CACNG1: variants seen among roughly 807,000 people sequenced by gnomAD.
CACNG1 encodes the protein calcium voltage-gated channel auxiliary subunit gamma 1, also known as voltage-dependent calcium channel gamma-1 subunit.
CACNG1 carries 21 observed loss-of-function variants against 22.0 expected under a neutral mutation model. The ratio of observed to expected loss-of-function variants is 0.95; its 90% CI spans 0.68 to 1.37. The LOEUF (loss-of-function observed/expected upper bound fraction) is 1.37. Ranked by LOEUF, CACNG1 falls within the 40% of genes most tolerant of loss-of-function variation. CACNG1 has a pLI of 0.00. For missense variants in CACNG1, 291 were observed against 308.6 expected (o/e 0.94, Z 0.43); for synonymous variants, 127 against 129.2 (o/e 0.98, Z 0.12).
chr17:67,052,403 G>C (rs1303965905), intron 1 of CACNG1, among the ~76,000 whole-genome samples: 2 of 152,196 alleles, frequency 1.3e-5, no homozygotes, highest in East Asian at 1.9e-4. Flanking sequence ...CATGGTATGA[G>C]ACCACAGGCT....
chr17:67,053,925 G>A (rs2035742485), intron 1 of CACNG1, 71 bp from the exon 2 acceptor site: 23 of 1,109,042 alleles, frequency 2.1e-5, no homozygotes, highest in Non-Finnish European at 2.9e-5. Context: ...ATGACACCAC[G>A]CTCTCTGCCA....
chr17:67,044,883 C>G lies in CACNG1; in HGVS notation c.223C>G (p.Pro75Ala). 1 of 1,611,786 alleles carries G rather than the reference C, an allele frequency of 6.2e-7. No homozygotes were observed. The highest frequency in any genetic ancestry group is 1.7e-5 in the Admixed American group (1 of 59,990). ...CAAGACCTGCGGGCCCATCACCCTG[C>G]CCGGGGGTAACGTACCCACCCTCCG... is the stretch of plus-strand genomic sequence containing the variant. ...DSKTCGPITL[P>A]GEKNCSYFRH... The change falls in exon 1 of 4, where the codon CCC (proline) becomes GCC (alanine). Residue 75 changes from proline (P) to alanine (A), a missense_variant. By Grantham distance (27) the Pro-to-Ala change is conservative. Transcript: ENST00000226021. The surrounding 1 kb of genome is among the most constrained non-coding windows in gnomAD (Gnocchi z 6.9).
rs2035752170 is a variant in CACNG1, at chr17:67,054,998, C to T, written c.305-105C>T. On this transcript the variant is annotated intron_variant, in intron 2 of 3. Transcript: ENST00000226021. The surrounding 1 kb of genome is among the most constrained non-coding windows in gnomAD (Gnocchi z 4.6). The stretch of plus-strand genomic sequence containing the variant: ...CACTTGACACACACACAATGACACA[C>T]ACAGACACTGACACACACACTGTGG... 8.3e-7 allele frequency: 1 copy of T among 1,205,680 alleles called. No homozygotes were observed. Among genetic ancestry groups the T allele is most frequent in the Non-Finnish European group, 1.2e-6 (1 of 863,142 alleles). The allele number at this position is 1,205,680 out of a possible 1,614,324, so 74.7% of individuals were successfully genotyped here. A position where few individuals can be genotyped will look rare whatever the true frequency, so the allele number is the denominator to read the frequency against.
rs1241949755 is a variant in CACNG1, at chr17:67,055,923, C to A, written c.443-122C>A. ...TCTGCAGGTTCCCATCTAGAACCTG[C>A]CTTGAGGCAGCTTTTCCCCCAAGGC... On this transcript the variant is annotated intron_variant, in intron 3 of 3. Coordinates refer to ENST00000226021, the MANE Select transcript of CACNG1 (RefSeq NM_000727.4). This position sits in a 1 kb window ranked among gnomAD's most constrained non-coding sequence, Gnocchi z 4.5. 4.1e-6 allele frequency: 3 copies of A among 723,130 alleles called. No homozygotes were observed. The highest frequency in any genetic ancestry group is 1.8e-5 in the African/African-American group (1 of 56,692). 44.8% of individuals were successfully genotyped at this position (723,130 alleles called of 1,614,324 possible). A position where few individuals can be genotyped will look rare whatever the true frequency, so the allele number is the denominator to read the frequency against.
At position 67,054,173 on chromosome 17, in the gene CACNG1, C is replaced by A; in HGVS notation, c.304+103C>A. On this transcript the variant is annotated intron_variant, in intron 2 of 3. Transcript: ENST00000226021. This position sits in a 1 kb window ranked among gnomAD's most constrained non-coding sequence, Gnocchi z 4.6. ...GGCAAAAGCACTGACTTCCTCACGC[C>A]TGATGAGAAGAAGCCTGTGGTGCAT... The A allele has an allele frequency of 2.2e-6, 2 of 927,860 alleles. No individual in the cohort carries two copies. Among genetic ancestry groups the A allele is most frequent in the South Asian group, 1.4e-5 (1 of 73,984 alleles). The allele number at this position is 927,860 out of a possible 1,614,324, so 57.5% of individuals were successfully genotyped here.
rs1045923566 is a variant in CACNG1 at position 67,056,369 on chromosome 17, A to G, written c.*98A>G. ...AGGAGGCGGGAGCAATTTTAGCCCC[A>G]CCCTGCTCCCATCTGCCCCCCTGCA... On this transcript the variant is annotated 3_prime_UTR_variant, in exon 4 of 4. Coordinates refer to ENST00000226021, the MANE Select transcript of CACNG1 (RefSeq NM_000727.4). The surrounding 1 kb of genome is among the most constrained non-coding windows in gnomAD (Gnocchi z 4.3). The G allele has an allele frequency of 2.9e-6, 3 of 1,034,902 alleles. No individual in the cohort carries two copies. Among genetic ancestry groups the G allele is most frequent in the Non-Finnish European group, 4.3e-6 (3 of 692,892 alleles). The allele number at this position is 1,034,902 out of a possible 1,614,324, so 64.1% of individuals were successfully genotyped here.
intron 1 of CACNG1, among the ~76,000 whole-genome samples, chr17:67,053,647 T>C (rs565316733): frequency 4.6e-5 from 7 of 152,306 alleles, no homozygotes; most frequent in African/African-American, 1.7e-4. Context: ...TGCTGTTTGG[T>C]TCTTTGTTGA....
chr17:67,052,736 G>C (rs79321384), intron 1 of CACNG1, among the ~76,000 whole-genome samples: 1 of 150,816 alleles, frequency 6.6e-6, no homozygotes, highest in African/African-American at 2.4e-5. Context: ...CCTAAATCAA[G>C]AGCAAAGAAG....
Position 67,054,989 on chromosome 17 carries a change from A to T in CACNG1, c.305-114A>T. ...AGAGACACACACTTGACACACACACAATGACACACACAGACACTGACACAC... is the reference window on the plus strand; with the variant it reads ...AGAGACACACACTTGACACACACACTATGACACACACAGACACTGACACAC... On this transcript the variant is annotated intron_variant, in intron 2 of 3. Transcript: ENST00000226021. This position sits in a 1 kb window ranked among gnomAD's most constrained non-coding sequence, Gnocchi z 4.6. The T allele has an allele frequency of 4.1e-6, 1 of 246,740 alleles. No individual in the cohort carries two copies. Among genetic ancestry groups the T allele is most frequent in the South Asian group, 1.7e-4 (1 of 5,874 alleles). The allele number at this position is 246,740 out of a possible 1,614,324, so 15.3% of individuals were successfully genotyped here. A position where few individuals can be genotyped will look rare whatever the true frequency, so the allele number is the denominator to read the frequency against.
chr17:67,047,824 T>C (rs1403906405), intron 1 of CACNG1, among the ~76,000 whole-genome samples: 1 of 152,032 alleles, frequency 6.6e-6, no homozygotes, highest in Non-Finnish European at 1.5e-5. Flanking sequence ...GCATGCACAA[T>C]GCTATATGCA....
At chr17:67,051,674 C>A (rs2035729204) in intron 1 of CACNG1, among the ~76,000 whole-genome samples, 1 of 152,356 alleles carries the variant, frequency 6.6e-6, no homozygotes, top group Admixed American at 6.5e-5. Context: ...AAAAGAAAAG[C>A]ATCCCCCCAG....
At chr17:67,053,471 C>T (rs73340930) in intron 1 of CACNG1, among the ~76,000 whole-genome samples, 4,611 of 152,304 alleles carry the variant, frequency 0.03, 227 homozygotes, top group African/African-American at 0.1. Context: ...GATATTTTGG[C>T]CTGGATCATT....
At chr17:67,048,996 AG>A (rs1276869407) in intron 1 of CACNG1, among the ~76,000 whole-genome samples, 6 of 152,240 alleles carry the variant, frequency 3.9e-5, no homozygotes, top group Non-Finnish European at 8.8e-5. Flanking sequence ...GGAGCAAAAA[AG>A]GTATGTGAAA....
chr17:67,050,427 T>C (rs1364832803), intron 1 of CACNG1, among the ~76,000 whole-genome samples: 1 of 152,240 alleles, frequency 6.6e-6, no homozygotes, highest in Non-Finnish European at 1.5e-5. Context: ...GAAACCACTG[T>C]TGGGAGCTGA....
Position 67,054,002 on chromosome 17 carries a change from A to C in CACNG1, c.236A>C (p.Asn79Thr). The C allele has an allele frequency of 6.2e-7, 1 of 1,613,870 alleles. No homozygotes were observed. Among genetic ancestry groups the C allele is most frequent in the African/African-American group, 1.3e-5 (1 of 75,042 alleles). ...CGPITLPGEK[N>T]CSYFRHFNPG... is the part of the protein sequence containing the mutation. ...TCTGTCTCCTCCTTTGCAGAGAAGA[A>C]CTGTTCCTACTTCAGGCATTTTAAC... is the stretch of plus-strand genomic sequence containing the variant. The change falls in exon 2 of 4, where the codon AAC becomes ACC. Residue 79 changes from asparagine to threonine, a missense_variant. By Grantham distance (65) the Asn-to-Thr change is moderately conservative (BLOSUM62 0). Transcript: ENST00000226021. This position sits in a 1 kb window ranked among gnomAD's most constrained non-coding sequence, Gnocchi z 4.6.
At chr17:67,050,290 C>G (rs61389483) in intron 1 of CACNG1, among the ~76,000 whole-genome samples, 1 of 152,250 alleles carries the variant, frequency 6.6e-6, no homozygotes, top group South Asian at 2.1e-4. Context: ...TGCCAGAGGC[C>G]TAGGCCAAAG....
In CACNG1 at chr17:67,056,624, C is replaced by T. The variant is rs909897824; in HGVS notation, c.*353C>T. On this transcript the variant is annotated 3_prime_UTR_variant, in exon 4 of 4. Transcript: ENST00000226021. The surrounding 1 kb of genome is among the most constrained non-coding windows in gnomAD (Gnocchi z 4.3). ...CCTTTATGAACATTGCAGGGACAACCTGTGTTTGCCAGCTGGGTGTTCCGT... is the reference window on the plus strand; with the variant it reads ...CCTTTATGAACATTGCAGGGACAACTTGTGTTTGCCAGCTGGGTGTTCCGT... 6 of 257,616 alleles carry T rather than the reference C, an allele frequency of 2.3e-5. No individual in the cohort carries two copies. The highest frequency in any genetic ancestry group is 1.3e-4 in the African/African-American group (6 of 45,554). The allele number at this position is 257,616 out of a possible 1,614,324, so 16.0% of individuals were successfully genotyped here.
intron 1 of CACNG1, among the ~76,000 whole-genome samples, chr17:67,045,524 C>CTTTTTT (rs71367200): frequency 1.7e-4 from 19 of 109,698 alleles, no homozygotes; most frequent in African/African-American, 5.7e-4. Flanking sequence ...CCCCCACCTT[C>CTTTTTT]TTTTTTTTTT....
chr17:67,056,013 C>A lies in CACNG1; in HGVS notation c.443-32C>A, dbSNP rs761921218. 18 of 1,573,646 alleles carry A rather than the reference C, an allele frequency of 1.1e-5. No individual in the cohort carries two copies. Among genetic ancestry groups the A allele is most frequent in the Non-Finnish European group, 1.4e-5 (16 of 1,152,760 alleles). ...GCTGGTGGCTACGGCAGACGCCCCT[C>A]GGTCCCTGAGCATGCCTGGCTCTGC... On this transcript the variant is annotated intron_variant, in intron 3 of 3. Coordinates refer to ENST00000226021, the MANE Select transcript of CACNG1 (RefSeq NM_000727.4). This position sits in a 1 kb window ranked among gnomAD's most constrained non-coding sequence, Gnocchi z 4.3.
Sources: allele counts gnomAD v4.1 joint callset (sites outside exome capture counted in the v4.1 genomes callset), GRCh38; gene constraint gnomAD v4.1.1; non-coding constraint Gnocchi (gnomAD v3.1); transcripts MANE v1.5; gene names NCBI Gene and HGNC (gene_info 2026-07-23, HGNC 2026-07-21).